Variants in KLHL1 observed in about 807,000 individuals in gnomAD.
The protein encoded by KLHL1 is kelch-like protein 1.
Under a neutral mutation model 77.7 loss-of-function variants are expected in KLHL1, and 47 were observed. The ratio of observed to expected loss-of-function variants is 0.60; its 90% CI spans 0.48 to 0.77. The LOEUF is 0.77. Among genes scored for constraint, KLHL1 ranks in the 30% least tolerant of loss-of-function variants. The pLI is 0.00. For synonymous variants in KLHL1, 360 were observed against 325.2 expected (o/e 1.11, Z -1.15); for missense variants, 925 against 910.8 (o/e 1.02, Z -0.20).
chr13:69,930,402 A>T (rs1882963317), intron 4 of KLHL1, among the ~76,000 whole-genome samples: 1 of 151,846 alleles, frequency 6.6e-6, no homozygotes, highest in Non-Finnish European at 1.5e-5. Context: ...AGCTTTTCAA[A>T]TGCACACCAC....
intron 1 of KLHL1, among the ~76,000 whole-genome samples, chr13:69,984,445 C>T (rs1184866408): frequency 6.6e-6 from 1 of 152,084 alleles, no homozygotes; most frequent in Non-Finnish European, 1.5e-5. Context: ...AAGGAGCAGA[C>T]AACATGATGC....
intron 2 of KLHL1, among the ~76,000 whole-genome samples, chr13:69,967,805 A>C (rs1884260764): frequency 1.3e-5 from 2 of 151,866 alleles, no homozygotes; most frequent in African/African-American, 4.8e-5. Flanking sequence ...GAATTGCTTG[A>C]ACCTGGGAAG....
chr13:69,823,041 T>G (rs1306609777), intron 6 of KLHL1, among the ~76,000 whole-genome samples: 1 of 152,174 alleles, frequency 6.6e-6, no homozygotes, highest in Non-Finnish European at 1.5e-5. Flanking sequence ...TTTAACTGTA[T>G]TTGCTCTGTG....
intron 3 of KLHL1, among the ~76,000 whole-genome samples, chr13:69,940,702 C>A (rs1056385618): frequency 6.7e-6 from 1 of 149,426 alleles, no homozygotes; most frequent in African/African-American, 2.5e-5. Flanking sequence ...GTACTTAACC[C>A]ACTGTACTCA....
intron 1 of KLHL1, among the ~76,000 whole-genome samples, chr13:70,028,143 A>C (rs915259750): frequency 2.0e-5 from 3 of 152,148 alleles, no homozygotes; most frequent in Non-Finnish European, 4.4e-5. Flanking sequence ...GGATTTGGAG[A>C]AATAAGAAAT....
At chr13:69,719,089 T>G (rs2137892899) in intron 9 of KLHL1, among the ~76,000 whole-genome samples, 1 of 152,242 alleles carries the variant, frequency 6.6e-6, no homozygotes, top group Non-Finnish European at 1.5e-5. Flanking sequence ...AAAGATTATT[T>G]AAGGACTTGT....
At chr13:70,064,655 C>CCTAA (rs2137409710) in intron 1 of KLHL1, among the ~76,000 whole-genome samples, 1 of 152,184 alleles carries the variant, frequency 6.6e-6, no homozygotes, top group Admixed American at 6.5e-5. Flanking sequence ...AGTTGTAGTG[C>CCTAA]CTAACACGGT....
At chr13:69,751,528 C>T (rs181505598) in intron 7 of KLHL1, among the ~76,000 whole-genome samples, 135 of 152,002 alleles carry the variant, frequency 8.9e-4, no homozygotes, top group Non-Finnish European at 9.0e-4. Context: ...AAGAAACACT[C>T]GTGTTGTGAT....
rs1886641846 is a variant in KLHL1 at position 70,052,053 on chromosome 13, TTTATC to T, written c.497+55145_497+55149del. On this transcript the variant is annotated intron_variant, in intron 1 of 10. Coordinates refer to ENST00000377844, the MANE Select transcript of KLHL1 (RefSeq NM_020866.3). ...TTTCAGAAACCTAGATTTCCTAATA[TTTATC>T]TTAGATCTTTACTTTCTTAGCCGTG... 1.3e-5 allele frequency among the ~76,000 whole-genome samples: 2 copies of T among 151,970 alleles called. 1 individual carries two copies. The highest frequency in any genetic ancestry group is 4.1e-4 in the South Asian group (2 of 4,836).
At chr13:70,036,020 C>A (rs985525627) in intron 1 of KLHL1, among the ~76,000 whole-genome samples, 1 of 151,954 alleles carries the variant, frequency 6.6e-6, no homozygotes, top group Admixed American at 6.6e-5. Context: ...AGTATCAACA[C>A]ACTGAATAAT....
chr13:69,795,255 C>T (rs922448473), intron 7 of KLHL1, among the ~76,000 whole-genome samples: 3 of 152,104 alleles, frequency 2.0e-5, no homozygotes, highest in Non-Finnish European at 4.4e-5. Context: ...TCTCTCTTCC[C>T]CCATCAATCT....
chr13:69,982,237 C>A (rs933713640), intron 1 of KLHL1, among the ~76,000 whole-genome samples: 4 of 151,654 alleles, frequency 2.6e-5, no homozygotes, highest in African/African-American at 9.7e-5. Context: ...AGTTTGAGAC[C>A]AGCCTGGGCA....
chr13:69,948,154 G>A (rs1883590450), intron 3 of KLHL1, among the ~76,000 whole-genome samples: 1 of 152,106 alleles, frequency 6.6e-6, no homozygotes, highest in African/African-American at 2.4e-5. Context: ...TTTGTCTCCA[G>A]AGTTAATTAA....
chr13:69,946,032 A>T (rs1272019153), intron 3 of KLHL1, among the ~76,000 whole-genome samples: 1 of 152,144 alleles, frequency 6.6e-6, no homozygotes, highest in Non-Finnish European at 1.5e-5. Context: ...TACCATGGTT[A>T]CTTATGTTGA....
intron 1 of KLHL1, among the ~76,000 whole-genome samples, chr13:69,989,533 C>T (rs1884971439): frequency 6.6e-6 from 1 of 151,926 alleles, no homozygotes; most frequent in Non-Finnish European, 1.5e-5. Flanking sequence ...AGCATTGAAT[C>T]TATAAATTGC....
chr13:70,044,619 A>C (rs1886453096), intron 1 of KLHL1, among the ~76,000 whole-genome samples: 1 of 152,168 alleles, frequency 6.6e-6, no homozygotes, highest in Admixed American at 6.5e-5. Context: ...GAACATCCAC[A>C]TTCTCCAATG....
At chr13:69,727,800 C>T (rs1056482261) in intron 8 of KLHL1, among the ~76,000 whole-genome samples, 10 of 151,888 alleles carry the variant, frequency 6.6e-5, no homozygotes, top group Non-Finnish European at 4.4e-5. Context: ...AGAAACAACT[C>T]TTCAACCAGA....
chr13:69,721,079 A>ATATAC (rs1555300737), intron 8 of KLHL1, among the ~76,000 whole-genome samples: 1 of 67,636 alleles, frequency 1.5e-5, no homozygotes, highest in Non-Finnish European at 3.5e-5. Context: ...ATATATATAT[A>ATATAC]AAGCTATGTA....
At chr13:69,820,900 T>C (rs886154046) in intron 6 of KLHL1, among the ~76,000 whole-genome samples, 10 of 152,224 alleles carry the variant, frequency 6.6e-5, no homozygotes, top group Non-Finnish European at 8.8e-5. Flanking sequence ...GTTTATTTTC[T>C]TCTATAATAA....
Sources: gnomAD v4.1 joint callset for allele counts (sites outside exome capture counted in the v4.1 genomes callset) on GRCh38, gnomAD v4.1.1 for gene constraint, MANE v1.5 for transcripts, NCBI Gene and HGNC (gene_info 2026-07-23, HGNC 2026-07-21) for gene names.